Variants in TASOR observed in about 807,000 individuals in gnomAD.
TASOR encodes transcription activation suppressor.
In TASOR, 53 loss-of-function variants were observed where a neutral mutation model predicts 178.6. The observed-to-expected ratio is 0.30, with a 90% CI of 0.24 to 0.37. The LOEUF (loss-of-function observed/expected upper bound fraction) is 0.37, where lower values mean the gene tolerates loss of function less well. Among genes scored for constraint, TASOR ranks in the 10% least tolerant of loss-of-function variants. TASOR has a pLI of 1.00. For synonymous variants in TASOR, 713 were observed against 696.2 expected (o/e 1.02, Z -0.38); for missense variants, 1,815 against 1,971.4 (o/e 0.92, Z 1.50).
Position 56,641,668 on chromosome 3 carries a change from T to C in TASOR, c.2300A>G (p.Asp767Gly). The C allele has an allele frequency of 6.2e-7, 1 of 1,614,220 alleles. No individual in the cohort carries two copies. Among genetic ancestry groups the C allele is most frequent in the Non-Finnish European group, 8.5e-7 (1 of 1,180,030 alleles). ...QQDTCNSGIA[D>G]IHRLFNWLSE... is the part of the protein sequence containing the mutation. ...TAACCAATTAAACAGCCTATGGATGTCAGCAATGCCGGAGTTACAGGTATC... is the reference window on the plus strand; with the variant it reads ...TAACCAATTAAACAGCCTATGGATGCCAGCAATGCCGGAGTTACAGGTATC... The change falls in exon 15 of 24, where the codon GAC becomes GGC. Residue 767 changes from aspartate (D) to glycine (G), a missense_variant. Transcript: ENST00000683822.
At position 56,670,055 on chromosome 3, in the gene TASOR, A is replaced by C; in HGVS notation, c.643+18T>G. On this transcript the variant is annotated intron_variant, in intron 4 of 23. Coordinates refer to ENST00000683822, the MANE Select transcript of TASOR (RefSeq NM_001365635.2). ...AACTTAGTAGTAGATATTTATATTT[A>C]AAAAGAAAAAAGATTACCCATGGAA... 1 of 1,480,382 alleles carries C rather than the reference A, an allele frequency of 6.8e-7. No individual in the cohort carries two copies. The highest frequency in any genetic ancestry group is 9.1e-7 in the Non-Finnish European group (1 of 1,100,996). 91.7% of individuals were successfully genotyped at this position (1,480,382 alleles called of 1,614,324 possible).
Position 56,627,622 on chromosome 3 carries a change from T to C in TASOR, c.3990A>G (p.Val1330=). 6.2e-7 allele frequency: 1 copy of C among 1,614,128 alleles called. No homozygotes were observed. The highest frequency in any genetic ancestry group is 8.5e-7 in the Non-Finnish European group (1 of 1,179,980). ...CTGGGTTTAGAATTGATTCATCAGA[T>C]ACGATAAAACCTCCAGATACAAATA... is the stretch of plus-strand genomic sequence containing the variant. ...NELFVSGGFI[V]SDESILNPEV... is the part of the protein sequence containing the mutation. Residue 1330 remains valine, a synonymous_variant, in exon 20 of 24, where the codon GTA becomes GTG. Transcript: ENST00000683822.
chr3:56,666,248 C>A lies in TASOR; in HGVS notation c.1022+12G>T. ...ATCACTGCGGATGATGTCTAAAACT[C>A]CTAAGTCTTACCTTGATGAAGGTAC... On this transcript the variant is annotated intron_variant, in intron 7 of 23. Coordinates refer to ENST00000683822, the MANE Select transcript of TASOR (RefSeq NM_001365635.2). 6.5e-7 allele frequency: 1 copy of A among 1,528,980 alleles called. No individual in the cohort carries two copies. Among genetic ancestry groups the A allele is most frequent in the South Asian group, 1.3e-5 (1 of 78,034 alleles). 94.7% of individuals were successfully genotyped at this position (1,528,980 alleles called of 1,614,324 possible).
At chr3:56,638,194 G>A (rs746464230) in intron 17 of TASOR, among the ~76,000 whole-genome samples, 14 of 151,784 alleles carry the variant, frequency 9.2e-5, no homozygotes, top group Admixed American at 1.3e-4. Context: ...GTGAAATCCC[G>A]TCTCTACTAA....
rs1021146692 is a variant in TASOR at position 56,621,839 on chromosome 3, C to T, written c.*1198G>A. 1.0e-4 allele frequency: 25 copies of T among 244,700 alleles called. 1 individual carries two copies. The Admixed American group carries it at 1.3e-3, about 13-fold the overall frequency. 15.2% of individuals were successfully genotyped at this position (244,700 alleles called of 1,614,324 possible). On this transcript the variant is annotated 3_prime_UTR_variant, in exon 24 of 24. Coordinates refer to ENST00000683822, the MANE Select transcript of TASOR (RefSeq NM_001365635.2). ...GTAGTAAAAAAAAAAAAAAAAAAAC[C>T]GGTTCTTCTGCTCTGTCACCACCTG...
Position 56,647,176 on chromosome 3 carries a change from T to A in TASOR, c.1561A>T (p.Met521Leu), listed in dbSNP as rs935144604. ...NAAPQERHES[M>L]PDVLKIAQFL... ...TGAGCTATTTTTAATACATCTGGCA[T>A]GCTCTCATGCCTCTCCTGTGGTGCT... Residue 521 changes from methionine to leucine, a missense_variant, in exon 14 of 24, where the codon ATG becomes TTG. Physicochemically the swap from Met to Leu is conservative, Grantham distance 15. Transcript: ENST00000683822. The A allele has an allele frequency of 1.3e-6, 2 of 1,588,504 alleles. No individual in the cohort carries two copies. The highest frequency in any genetic ancestry group is 1.7e-6 in the Non-Finnish European group (2 of 1,172,528).
intron 11 of TASOR, among the ~76,000 whole-genome samples, chr3:56,654,687 G>A (rs1489811888): frequency 6.6e-6 from 1 of 152,142 alleles, no homozygotes; most frequent in African/African-American, 2.4e-5. Context: ...GGCCTAAAGA[G>A]AATGAAAGGC....
At chr3:56,636,015 C>G (rs965359615) in intron 17 of TASOR, among the ~76,000 whole-genome samples, 3 of 152,050 alleles carry the variant, frequency 2.0e-5, no homozygotes, top group Non-Finnish European at 4.4e-5. Flanking sequence ...TTATTAAGAA[C>G]TTAACTGCTC....
Position 56,649,019 on chromosome 3 carries a change from A to C in TASOR, c.1407T>G (p.Phe469Leu), listed in dbSNP as rs770501474. 2 of 1,607,606 alleles carry C rather than the reference A, an allele frequency of 1.2e-6. No individual in the cohort carries two copies. The highest frequency in any genetic ancestry group is 4.5e-5 in the East Asian group (2 of 44,756). ...GAACCATCTGATAAGGGGAGAGAAGAAAAAGGTATCCTCGGTCTCCCAAAG... is the reference window on the plus strand; with the variant it reads ...GAACCATCTGATAAGGGGAGAGAAGCAAAAGGTATCCTCGGTCTCCCAAAG... ...VKPLGDRGYL[F>L]LLSPYQMVPP... is the part of the protein sequence containing the mutation. Residue 469 changes from phenylalanine (F) to leucine (L), a missense_variant, in exon 12 of 24, where the codon TTT becomes TTG. Phe to Leu is a conservative substitution (Grantham distance 22). This residue lies in a region of TASOR where 504 missense variants were observed against 645.3 expected (regional missense o/e 0.78). Transcript: ENST00000683822.
intron 1 of TASOR, among the ~76,000 whole-genome samples, chr3:56,674,489 TGA>T (rs967162931): frequency 6.6e-6 from 1 of 151,410 alleles, no homozygotes; most frequent in Non-Finnish European, 1.5e-5. Flanking sequence ...AGTCTGGGAG[TGA>T]GAGAGAGACC....
At chr3:56,658,651 T>C (rs1482559051) in intron 11 of TASOR, among the ~76,000 whole-genome samples, 1 of 152,154 alleles carries the variant, frequency 6.6e-6, no homozygotes, top group African/African-American at 2.4e-5. Context: ...GCGCGGTGGC[T>C]CACCCAACAC....
intron 3 of TASOR, among the ~76,000 whole-genome samples, chr3:56,670,442 G>C (rs1578288132): frequency 2.0e-5 from 3 of 152,074 alleles, no homozygotes; most frequent in African/African-American, 4.8e-5. Flanking sequence ...CTGGGCTCAA[G>C]TGATCCTCTC....
At chr3:56,678,177 A>ATTTTTTTTTTTTTTTTTTTTTTTTT (rs533306611) in intron 1 of TASOR, among the ~76,000 whole-genome samples, 1 of 107,004 alleles carries the variant, frequency 9.3e-6, no homozygotes, top group Non-Finnish European at 1.8e-5. Flanking sequence ...CACACTTATG[A>ATTTTTTTTTTTTTTTTTTTTTTTTT]TTTTTTTTTT....
intron 2 of TASOR, 58 bp from the exon 3 acceptor site, chr3:56,671,750 C>T: frequency 1.5e-5 from 20 of 1,330,694 alleles, no homozygotes; most frequent in Non-Finnish European, 2.0e-5. Context: ...TTTCAAGCTA[C>T]AAGTTTTATT....
intron 11 of TASOR, among the ~76,000 whole-genome samples, chr3:56,652,210 C>T (rs992953125): frequency 1.3e-5 from 2 of 151,984 alleles, no homozygotes; most frequent in Admixed American, 1.3e-4. Context: ...TGAAAATGTT[C>T]GGGAATTAGA....
At position 56,653,262 on chromosome 3, in the gene TASOR, CAAAAAAAAAAAAAAAAA is replaced by C. The variant is rs1176419181; in HGVS notation, c.1369-4222_1369-4206del. The stretch of plus-strand genomic sequence containing the variant: ...TGGGCAACAGAGTGAGACTCCATCT[CAAAAAAAAAAAAAAAAA>C]AAAAAAAAAAGAAAAGACAAGCTAA... On this transcript the variant is annotated intron_variant, in intron 11 of 23. Coordinates refer to ENST00000683822, the MANE Select transcript of TASOR (RefSeq NM_001365635.2). Among the ~76,000 whole-genome samples, 14 of 4,962 alleles carry C rather than the reference CAAAAAAAAAAAAAAAAA, an allele frequency of 2.8e-3. 1 individual carries two copies. The highest frequency in any genetic ancestry group is 8.2e-3 in the African/African-American group (14 of 1,706). The allele number at this position is 4,962 out of a possible 152,430, so 3.3% of individuals were successfully genotyped here.
chr3:56,659,122 G>A (rs1448528781), intron 11 of TASOR, among the ~76,000 whole-genome samples: 1 of 152,094 alleles, frequency 6.6e-6, no homozygotes, highest in Non-Finnish European at 1.5e-5. Flanking sequence ...GACTGATTAA[G>A]CACATATATA....
At chr3:56,628,106 T>C (rs111329364) in intron 19 of TASOR, among the ~76,000 whole-genome samples, 6 of 152,312 alleles carry the variant, frequency 3.9e-5, no homozygotes, top group African/African-American at 1.4e-4. Context: ...AGGATGGAGA[T>C]AGGGCTCCTA....
rs189221706 is a variant in TASOR, at chr3:56,646,751, G to A, written c.1986C>T (p.Ala662=). The A allele has an allele frequency of 6.2e-7, 1 of 1,613,654 alleles. No homozygotes were observed. The highest frequency in any genetic ancestry group is 8.5e-7 in the Non-Finnish European group (1 of 1,179,814). ...FGKRNNSRGE[A]IISGKQRSSH... is the part of the protein sequence containing the mutation. ...ATGATCTTTGCTTTCCAGATATAATGGCTTCACCTCTTGAGTTATTTCGTT... is the reference window on the plus strand; with the variant it reads ...ATGATCTTTGCTTTCCAGATATAATAGCTTCACCTCTTGAGTTATTTCGTT... The change falls in exon 14 of 24, where the codon GCC becomes GCT. Residue 662 remains alanine (A), a synonymous_variant. Transcript: ENST00000683822.
Sources: gnomAD v4.1 joint callset for allele counts (sites outside exome capture counted in the v4.1 genomes callset) on GRCh38, gnomAD v4.1.1 for gene constraint, gnomAD v4.1.1 regional missense constraint, MANE v1.5 for transcripts, NCBI Gene and HGNC (gene_info 2026-07-23, HGNC 2026-07-21) for gene names.